SUN5: variants seen among roughly 807,000 people sequenced by gnomAD.
The protein encoded by SUN5 is Sad1 and UNC84 domain containing 5.
Under a neutral mutation model 53.7 loss-of-function variants are expected in SUN5, and 44 were observed. The observed-to-expected ratio is 0.82, with a 90% confidence interval of 0.64 to 1.05. The LOEUF (loss-of-function observed/expected upper bound fraction) is 1.05. Among genes scored for constraint, SUN5 ranks in the 50% least tolerant of loss-of-function variants. The probability of loss-of-function intolerance (pLI) is 0.00; values close to 1 mark genes in which losing one functional copy is unlikely to be tolerated. For missense variants in SUN5, 433 were observed against 483.8 expected, an observed-to-expected ratio of 0.90 and a Z score of 0.98; for synonymous variants, 166 against 179.8, an observed-to-expected ratio of 0.92 and a Z score of 0.62.
At chr20:32,999,856 C>T (rs1256757496) in intron 5 of SUN5, 59 of 1,479,140 alleles carry the variant, frequency 4.0e-5, no homozygotes, top group South Asian at 7.9e-5. Context: ...ATGTTCATAA[C>T]ACGGTTTGGG....
chr20:32,992,874 G>A (rs1989745304), intron 8 of SUN5, among the ~76,000 whole-genome samples: 1 of 152,188 alleles, frequency 6.6e-6, no homozygotes, highest in Non-Finnish European at 1.5e-5. Flanking sequence ...TTCTCACCCT[G>A]CAGAATAAAG....
At chr20:32,990,716 G>A (rs769146186) in intron 8 of SUN5, among the ~76,000 whole-genome samples, 1 of 152,194 alleles carries the variant, frequency 6.6e-6, no homozygotes, top group Non-Finnish European at 1.5e-5. Flanking sequence ...CTCCAGTCAC[G>A]TGAGTGAATC....
At chr20:33,000,802 A>G (rs1385890842) in intron 4 of SUN5, among the ~76,000 whole-genome samples, 1 of 151,194 alleles carries the variant, frequency 6.6e-6, no homozygotes, top group Non-Finnish European at 1.5e-5. Flanking sequence ...CCGTGATGGC[A>G]CCACCGCACT....
intron 5 of SUN5, 151 bp downstream of exon 5, chr20:32,999,923 C>T (rs1008032833): frequency 1.9e-6 from 3 of 1,549,994 alleles, no homozygotes; most frequent in Non-Finnish European, 2.6e-6. Flanking sequence ...TCATGGTCAT[C>T]ATTTCATTTC....
intron 6 of SUN5, among the ~76,000 whole-genome samples, chr20:32,996,908 T>C (rs1989865958): frequency 6.6e-6 from 1 of 152,160 alleles, no homozygotes. Flanking sequence ...GGCCATCCAG[T>C]CATCCAACAT....
intron 4 of SUN5, among the ~76,000 whole-genome samples, chr20:33,000,611 G>A (rs1047217487): frequency 1.4e-4 from 21 of 152,110 alleles, no homozygotes; most frequent in African/African-American, 5.1e-4. Flanking sequence ...CCAGCACTTC[G>A]GAAGGCTGAG....
At chr20:32,999,947 C>A (rs779259851) in intron 5 of SUN5, 127 bp downstream of exon 5, 167 of 1,553,216 alleles carry the variant, frequency 1.1e-4, no homozygotes, top group Non-Finnish European at 2.6e-6. Context: ...ATTCTCACAG[C>A]AACACCCATC....
chr20:32,992,050 C>T (rs1212297253), intron 8 of SUN5, among the ~76,000 whole-genome samples: 3 of 152,178 alleles, frequency 2.0e-5, no homozygotes, highest in African/African-American at 2.4e-5. Context: ...GTGCATTTTG[C>T]GAATTCATCT....
chr20:33,004,162 A>G, intron 1 of SUN5, 102 bp downstream of exon 1: 2 of 1,289,172 alleles, frequency 1.6e-6, no homozygotes, highest in Non-Finnish European at 1.0e-6. Context: ...CTGTCTCTGT[A>G]CAGTACAGTT....
rs1276541767 is a variant in SUN5 at position 32,985,175 on chromosome 20, C to T, written c.908G>A (p.Gly303Asp). Residue 303 changes from glycine to aspartate, a missense_variant, in exon 12 of 13, where the codon GGC becomes GAC. Transcript: ENST00000356173. Reference protein sequence around the residue: ...PKDFVIYGMEGSPKEEVFLGA... With the variant: ...PKDFVIYGMEDSPKEEVFLGA... Reference sequence around the variant, plus strand: ...CAGGAACACCTCCTCCTTGGGGGAGCCCTCCATGCCCTGTGGAACCAGAAC... The same window carrying T: ...CAGGAACACCTCCTCCTTGGGGGAGTCCTCCATGCCCTGTGGAACCAGAAC... The T allele has an allele frequency of 1.9e-6, 3 of 1,613,814 alleles. No individual in the cohort carries two copies. The highest frequency in any genetic ancestry group is 1.6e-4 in the Middle Eastern group (1 of 6,062).
chr20:33,000,013 TA>T, intron 5 of SUN5, 60 bp downstream of exon 5: 2 of 1,577,080 alleles, frequency 1.3e-6, no homozygotes, highest in Non-Finnish European at 1.7e-6. Context: ...CAGTGTCCTA[TA>T]ATCAGTGCCA....
At chr20:32,984,994 TG>T in intron 12 of SUN5, 104 bp downstream of exon 12, 1 of 1,218,944 alleles carries the variant, frequency 8.2e-7, no homozygotes, top group Non-Finnish European at 1.2e-6. Flanking sequence ...TAGTCATGAC[TG>T]GGCACCTCCT....
chr20:32,994,260 A>T (rs528049611), intron 8 of SUN5, among the ~76,000 whole-genome samples: 1 of 152,330 alleles, frequency 6.6e-6, no homozygotes, highest in South Asian at 2.1e-4. Flanking sequence ...CATCCTCCTT[A>T]TAAAGAAAAG....
intron 9 of SUN5, 99 bp from the exon 10 acceptor site, chr20:32,987,874 G>A: frequency 1.2e-6 from 1 of 866,020 alleles, no homozygotes; most frequent in Non-Finnish European, 1.9e-6. Flanking sequence ...CGAGCATTTT[G>A]GATGAGTCAC....
At chr20:33,002,709 G>T in intron 2 of SUN5, 48 bp from the exon 3 acceptor site, 1 of 1,610,738 alleles carries the variant, frequency 6.2e-7, no homozygotes, top group East Asian at 2.2e-5. Context: ...TCTTGATTTG[G>T]TGCTTGCAGA....
At chr20:32,988,850 A>G (rs1989621152) in intron 9 of SUN5, among the ~76,000 whole-genome samples, 1 of 151,982 alleles carries the variant, frequency 6.6e-6, no homozygotes, top group South Asian at 2.1e-4. Flanking sequence ...CGGCCTCCCA[A>G]AGTGCTGGGA....
chr20:33,000,219 C>T (rs982300819), intron 4 of SUN5, 84 bp from the exon 5 acceptor site: 25 of 1,469,978 alleles, frequency 1.7e-5, no homozygotes, highest in East Asian at 4.7e-5. Context: ...TCTCTTTCTC[C>T]GTAGGCATGC....
Position 32,998,227 on chromosome 20 carries a change from G to A in SUN5, c.341-540C>T, listed in dbSNP as rs114946794. On this transcript the variant is annotated intron_variant, in intron 5 of 12. Coordinates refer to ENST00000356173, the MANE Select transcript of SUN5 (RefSeq NM_080675.4). ...CAAAAATTAGCCCGGTGTGGTGCACGTCTATAGTCCCAGCTACCCGGAGGC... is the reference window on the plus strand; with the variant it reads ...CAAAAATTAGCCCGGTGTGGTGCACATCTATAGTCCCAGCTACCCGGAGGC... Among the ~76,000 whole-genome samples, 1,125 of 150,604 alleles carry A rather than the reference G, an allele frequency of 7.5e-3. 9 individuals are homozygous for A. The highest frequency in any genetic ancestry group is 0.026 in the African/African-American group (1,067 of 40,926).
chr20:33,004,201 G>A, intron 1 of SUN5, 63 bp downstream of exon 1: 1 of 1,481,920 alleles, frequency 6.7e-7, no homozygotes, highest in Non-Finnish European at 9.0e-7. Flanking sequence ...CAAGGACAGG[G>A]TGGAGGGGCA....
Sources: gnomAD v4.1 joint callset for allele counts (sites outside exome capture counted in the v4.1 genomes callset) on GRCh38, gnomAD v4.1.1 for gene constraint, MANE v1.5 for transcripts, NCBI Gene and HGNC (gene_info 2026-07-23, HGNC 2026-07-21) for gene names.